The following RSRC1 variants were observed in gnomAD, a reference collection of about 807,000 sequenced individuals.
The protein encoded by RSRC1 is serine/Arginine-related protein 53.
RSRC1 carries 39 observed loss-of-function variants against 49.1 expected under a neutral mutation model. The ratio of observed to expected loss-of-function variants is 0.79; its 90% CI spans 0.61 to 1.04. The LOEUF (loss-of-function observed/expected upper bound fraction) is 1.04. RSRC1 is among the 50% of genes least tolerant of loss of function. The probability of loss-of-function intolerance (pLI) is 0.00; values close to 1 mark genes in which losing one functional copy is unlikely to be tolerated. For missense variants in RSRC1, 388 were observed against 402.4 expected (o/e 0.96, Z 0.31); for synonymous variants, 143 against 130.8 (o/e 1.09, Z -0.63).
intron 5 of RSRC1, among the ~76,000 whole-genome samples, chr3:158,353,569 CA>C (rs1254520124): frequency 1.3e-5 from 2 of 152,170 alleles, no homozygotes; most frequent in Non-Finnish European, 1.5e-5. Flanking sequence ...TACGTTCTCC[CA>C]GTCTCCTCAC....
At chr3:158,373,810 T>C (rs1732210892) in intron 6 of RSRC1, among the ~76,000 whole-genome samples, 1 of 152,028 alleles carries the variant, frequency 6.6e-6, no homozygotes. Flanking sequence ...GTTGAATAAA[T>C]GAATGAATAT....
At chr3:158,154,512 T>C (rs1356128975) in intron 3 of RSRC1, among the ~76,000 whole-genome samples, 1 of 151,876 alleles carries the variant, frequency 6.6e-6, no homozygotes, top group East Asian at 1.9e-4. Flanking sequence ...TCACCTAGTC[T>C]GGAGTGCAGT....
chr3:158,312,594 C>A (rs1728195023), intron 5 of RSRC1, among the ~76,000 whole-genome samples: 2 of 152,124 alleles, frequency 1.3e-5, no homozygotes, highest in Admixed American at 1.3e-4. Flanking sequence ...GGATGGATAA[C>A]AGCAGGACAG....
chr3:158,203,037 C>T, intron 3 of RSRC1, 35 bp from the exon 4 acceptor site: 1 of 1,518,596 alleles, frequency 6.6e-7, no homozygotes, highest in Non-Finnish European at 9.1e-7. Context: ...ACAAATTATA[C>T]ACTAAGTTTA....
intron 6 of RSRC1, among the ~76,000 whole-genome samples, chr3:158,412,186 AGC>A (rs1560030806): frequency 1.3e-5 from 2 of 152,228 alleles, no homozygotes; most frequent in Non-Finnish European, 2.9e-5. Context: ...TAAGAGTACT[AGC>A]TCATAAAACA....
At chr3:158,485,861 T>C (rs749833538) in intron 7 of RSRC1, among the ~76,000 whole-genome samples, 22 of 152,200 alleles carry the variant, frequency 1.4e-4, no homozygotes, top group Non-Finnish European at 2.4e-4. Context: ...GAAAATTTTC[T>C]AACTTTAATT....
chr3:158,239,970 A>G (rs1723475950), intron 4 of RSRC1, among the ~76,000 whole-genome samples: 1 of 152,158 alleles, frequency 6.6e-6, no homozygotes, highest in African/African-American at 2.4e-5. Context: ...CAAAAAAACA[A>G]CTTGTTTGTA....
chr3:158,423,578 A>G (rs1348460416), intron 6 of RSRC1, among the ~76,000 whole-genome samples: 1 of 152,170 alleles, frequency 6.6e-6, no homozygotes, highest in Non-Finnish European at 1.5e-5. Context: ...TTGGTTCCAA[A>G]TGAACTTTAA....
At chr3:158,401,696 C>A (rs990218484) in intron 6 of RSRC1, among the ~76,000 whole-genome samples, 2 of 151,676 alleles carry the variant, frequency 1.3e-5, no homozygotes, top group Non-Finnish European at 2.9e-5. Flanking sequence ...GTAAAGAAAC[C>A]GTGATATGTA....
At chr3:158,330,904 G>T (rs938465530) in intron 5 of RSRC1, among the ~76,000 whole-genome samples, 66 of 150,812 alleles carry the variant, frequency 4.4e-4, no homozygotes, top group Admixed American at 3.8e-3. Context: ...AAAAAAAAAA[G>T]GTTTAATGGA....
At chr3:158,234,991 A>G (rs73166338) in intron 4 of RSRC1, among the ~76,000 whole-genome samples, 18,319 of 152,172 alleles carry the variant, frequency 0.12, 1,379 homozygotes, top group Middle Eastern at 0.2. Flanking sequence ...AGCCCAGAGC[A>G]TGAGGTAACT....
chr3:158,171,980 A>G, intron 3 of RSRC1, among the ~76,000 whole-genome samples: 1 of 150,156 alleles, frequency 6.7e-6, no homozygotes, highest in East Asian at 1.9e-4. Context: ...AACAACAACA[A>G]AAACCATACA....
chr3:158,135,572 G>T (rs1481045073), intron 3 of RSRC1, among the ~76,000 whole-genome samples: 1 of 151,840 alleles, frequency 6.6e-6, no homozygotes, highest in Non-Finnish European at 1.5e-5. Flanking sequence ...GAGCCACTGC[G>T]CCCGGCCTAT....
intron 7 of RSRC1, among the ~76,000 whole-genome samples, chr3:158,512,434 G>T (rs1004907698): frequency 4.0e-5 from 6 of 150,776 alleles, no homozygotes; most frequent in Non-Finnish European, 7.4e-5. Context: ...TAGATATGCG[G>T]CGTTATTTCT....
intron 5 of RSRC1, among the ~76,000 whole-genome samples, chr3:158,350,564 C>T (rs961064807): frequency 1.1e-4 from 17 of 152,162 alleles, no homozygotes; most frequent in Non-Finnish European, 2.5e-4. Flanking sequence ...TCTTCTTGGC[C>T]TGCAGATGGC....
chr3:158,462,813 C>G (rs1737685029), intron 7 of RSRC1, among the ~76,000 whole-genome samples: 1 of 151,930 alleles, frequency 6.6e-6, no homozygotes, highest in African/African-American at 2.4e-5. Flanking sequence ...TTCACTAAAT[C>G]ACACTGACCT....
chr3:158,497,679 C>T (rs1578547259), intron 7 of RSRC1, among the ~76,000 whole-genome samples: 1 of 152,250 alleles, frequency 6.6e-6, no homozygotes, highest in African/African-American at 2.4e-5. Context: ...TCGTGATCCG[C>T]CTGCCTCAGC....
At chr3:158,190,132 T>C (rs372041297) in intron 3 of RSRC1, among the ~76,000 whole-genome samples, 22 of 152,164 alleles carry the variant, frequency 1.4e-4, no homozygotes, top group East Asian at 5.8e-4. Context: ...AAGACTGATA[T>C]CAACTTGTCT....
chr3:158,189,382 T>A (rs1325668786), intron 3 of RSRC1, among the ~76,000 whole-genome samples: 2 of 151,988 alleles, frequency 1.3e-5, no homozygotes, highest in Non-Finnish European at 2.9e-5. Flanking sequence ...AAATCCACAA[T>A]CAAGATTCTG....
Sources: gnomAD v4.1 joint callset for allele counts (sites outside exome capture counted in the v4.1 genomes callset) on GRCh38, gnomAD v4.1.1 for gene constraint, MANE v1.5 for transcripts, NCBI Gene and HGNC (gene_info 2026-07-23, HGNC 2026-07-21) for gene names.